The following GRIN2A variants were observed in gnomAD, a reference collection of about 807,000 sequenced individuals.
GRIN2A encodes the protein glutamate ionotropic receptor NMDA type subunit 2A.
A neutral mutation model predicts 113.4 loss-of-function variants in GRIN2A; 22 were observed. The ratio of observed to expected loss-of-function variants is 0.19; its 90% CI spans 0.14 to 0.28. The LOEUF (loss-of-function observed/expected upper bound fraction) is 0.28. GRIN2A is among the 10% of genes least tolerant of loss of function. The probability of loss-of-function intolerance (pLI) is 1.00; values close to 1 mark genes in which losing one functional copy is unlikely to be tolerated. For missense variants in GRIN2A, 1,502 were observed against 1,887.0 expected (o/e 0.80, Z 3.78); for synonymous variants, 827 against 738.4 (o/e 1.12, Z -1.94).
At chr16:10,003,890 A>G (rs2046362708) in intron 2 of GRIN2A, among the ~76,000 whole-genome samples, 1 of 152,182 alleles carries the variant, frequency 6.6e-6, no homozygotes, top group Admixed American at 6.5e-5. Flanking sequence ...AAGTTATTTC[A>G]GGTAATGGAT....
chr16:9,829,303 T>A (rs2042444188), intron 9 of GRIN2A, 120 bp downstream of exon 9: 5 of 685,850 alleles, frequency 7.3e-6, no homozygotes. Context: ...AGAAAAAACC[T>A]TCTGGCTTTT....
At position 9,982,923 on chromosome 16, in the gene GRIN2A, G is replaced by T. The variant is rs1037739861; in HGVS notation, c.415-44372C>A. Among the ~76,000 whole-genome samples, 56 of 152,092 alleles carry T rather than the reference G, an allele frequency of 3.7e-4. 2 individuals carry two copies. Among genetic ancestry groups the T allele is most frequent in the Admixed American group, 2.9e-3 (44 of 15,262 alleles). On this transcript the variant is annotated intron_variant, in intron 2 of 12. Coordinates refer to ENST00000330684, the MANE Select transcript of GRIN2A (RefSeq NM_001134407.3). ...GAGGAGTACTTAGTTTTACTAGGTT[G>T]GTTACTGTTCTAGGATATATGTATT...
At chr16:9,854,342 A>G (rs912687540) in intron 4 of GRIN2A, among the ~76,000 whole-genome samples, 16 of 151,836 alleles carry the variant, frequency 1.1e-4, no homozygotes, top group African/African-American at 3.9e-4. Context: ...TTGGGTATTA[A>G]ATTTCCCCAG....
At chr16:10,172,347 A>G (rs926933312) in intron 2 of GRIN2A, among the ~76,000 whole-genome samples, 1 of 152,222 alleles carries the variant, frequency 6.6e-6, no homozygotes, top group African/African-American at 2.4e-5. Flanking sequence ...CAACAGGGCC[A>G]GGTGTTATAG....
chr16:9,798,257 G>A lies in GRIN2A; in HGVS notation c.2356+20C>T. Reference sequence around the variant, plus strand: ...AGGGTCTCAAGTCCCCCTAAAGAAAGGGGTCACCCGGGGTCTTACCATCAC... The same window carrying A: ...AGGGTCTCAAGTCCCCCTAAAGAAAAGGGTCACCCGGGGTCTTACCATCAC... On this transcript the variant is annotated intron_variant, in intron 11 of 12. Coordinates refer to ENST00000330684, the MANE Select transcript of GRIN2A (RefSeq NM_001134407.3). 6.2e-7 allele frequency: 1 copy of A among 1,608,776 alleles called. No individual in the cohort carries two copies. Among genetic ancestry groups the A allele is most frequent in the Non-Finnish European group, 8.5e-7 (1 of 1,175,734 alleles).
intron 2 of GRIN2A, among the ~76,000 whole-genome samples, chr16:9,990,563 GCACACACACA>G (rs71157799): frequency 6.4e-4 from 80 of 124,480 alleles, no homozygotes; most frequent in Middle Eastern, 4.2e-3. Flanking sequence ...GCGCGCGCGC[GCACACACACA>G]CACACACACA....
intron 3 of GRIN2A, among the ~76,000 whole-genome samples, chr16:9,916,790 T>C (rs1228937027): frequency 6.6e-6 from 1 of 152,216 alleles, no homozygotes; most frequent in African/African-American, 2.4e-5. Context: ...CTCCAGCTTT[T>C]ACAAGGCAGA....
intron 2 of GRIN2A, among the ~76,000 whole-genome samples, chr16:10,081,738 CCAATACCTGCCTGT>C (rs1328186027): frequency 2.6e-5 from 4 of 152,158 alleles, no homozygotes; most frequent in Admixed American, 2.6e-4. Context: ...TGGAGTCTCT[CCAATACCTGCCTGT>C]TTCATAAATG....
At chr16:9,863,870 G>A (rs989689477) in intron 4 of GRIN2A, among the ~76,000 whole-genome samples, 2 of 152,132 alleles carry the variant, frequency 1.3e-5, no homozygotes, top group Non-Finnish European at 2.9e-5. Context: ...GAACTTAAGG[G>A]GCTGCTTCTT....
At chr16:9,959,896 C>T (rs2045397645) in intron 2 of GRIN2A, among the ~76,000 whole-genome samples, 1 of 152,206 alleles carries the variant, frequency 6.6e-6, no homozygotes, top group Non-Finnish European at 1.5e-5. Context: ...TCGCTTGAAC[C>T]CGGGAGGCAG....
At chr16:9,948,124 A>T (rs1369182751) in intron 2 of GRIN2A, among the ~76,000 whole-genome samples, 1 of 152,254 alleles carries the variant, frequency 6.6e-6, no homozygotes, top group Middle Eastern at 3.2e-3. Flanking sequence ...TCCCAATGTT[A>T]AACCTGAATG....
chr16:9,878,903 G>A (rs2043424596), intron 4 of GRIN2A, among the ~76,000 whole-genome samples: 1 of 151,782 alleles, frequency 6.6e-6, no homozygotes, highest in African/African-American at 2.4e-5. Context: ...ACACACACAT[G>A]CTTTGGGAGA....
At chr16:10,006,888 G>T (rs2046413339) in intron 2 of GRIN2A, among the ~76,000 whole-genome samples, 1 of 152,124 alleles carries the variant, frequency 6.6e-6, no homozygotes, top group Non-Finnish European at 1.5e-5. Flanking sequence ...TGCAAAGTTT[G>T]TCTTTCTATG....
At chr16:10,110,916 C>T (rs1242914865) in intron 2 of GRIN2A, among the ~76,000 whole-genome samples, 1 of 152,212 alleles carries the variant, frequency 6.6e-6, no homozygotes, top group Non-Finnish European at 1.5e-5. Context: ...GTAAGAAGTA[C>T]ATCTGTGGTG....
At chr16:10,016,294 C>T (rs1387032945) in intron 2 of GRIN2A, among the ~76,000 whole-genome samples, 1 of 152,080 alleles carries the variant, frequency 6.6e-6, no homozygotes, top group Non-Finnish European at 1.5e-5. Flanking sequence ...TCCCATGTAG[C>T]CTGTGGACTT....
In GRIN2A at chr16:9,974,317, GT is replaced by G. The variant is rs550659339; in HGVS notation, c.415-35767del. Among the ~76,000 whole-genome samples, 558 of 152,282 alleles carry G rather than the reference GT, an allele frequency of 3.7e-3. 4 individuals are homozygous for G. Among genetic ancestry groups the G allele is most frequent in the African/African-American group, 0.013 (535 of 41,572 alleles). On this transcript the variant is annotated intron_variant, in intron 2 of 12. Transcript: ENST00000330684. ...CCTGGGCCTGCCTGACCTAAGCCTGGTAGTTAAAGATCGACCCCTGACCTAA... is the reference window on the plus strand; with the variant it reads ...CCTGGGCCTGCCTGACCTAAGCCTGGAGTTAAAGATCGACCCCTGACCTAA...
chr16:9,878,884 C>T (rs1416475557), intron 4 of GRIN2A, among the ~76,000 whole-genome samples: 1 of 152,060 alleles, frequency 6.6e-6, no homozygotes, highest in Non-Finnish European at 1.5e-5. Flanking sequence ...CACACGCACA[C>T]ACAGTTGCAC....
At chr16:9,940,138 A>G (rs1422886145) in intron 2 of GRIN2A, among the ~76,000 whole-genome samples, 2 of 151,808 alleles carry the variant, frequency 1.3e-5, no homozygotes, top group Non-Finnish European at 2.9e-5. Context: ...GTAGCTGTGC[A>G]TGTCAATTCC....
chr16:10,071,060 C>T (rs1021255661), intron 2 of GRIN2A, among the ~76,000 whole-genome samples: 8 of 152,026 alleles, frequency 5.3e-5, no homozygotes, highest in African/African-American at 1.7e-4. Flanking sequence ...TCATGCCATC[C>T]GATAGGCAGT....
Sources: gnomAD v4.1 joint callset for allele counts (sites outside exome capture counted in the v4.1 genomes callset) on GRCh38, gnomAD v4.1.1 for gene constraint, MANE v1.5 for transcripts, NCBI Gene and HGNC (gene_info 2026-07-23, HGNC 2026-07-21) for gene names.